Variants in NELL1 observed in about 807,000 individuals in gnomAD.
NELL1 encodes neural EGFL like 1, also known as protein kinase C-binding protein NELL1.
NELL1 carries 76 observed loss-of-function variants against 107.4 expected under a neutral mutation model. That is an observed-to-expected ratio of 0.71 (90% CI 0.59 to 0.86). The LOEUF (loss-of-function observed/expected upper bound fraction) is 0.86. Among genes scored for constraint, NELL1 ranks in the 40% least tolerant of loss-of-function variants. The pLI, the probability that NELL1 is intolerant of heterozygous loss-of-function variation, is 0.00. For synonymous variants in NELL1, 353 were observed against 341.2 expected, an observed-to-expected ratio of 1.03 and a Z score of -0.38; for missense variants, 1,024 against 1,005.5, an observed-to-expected ratio of 1.02 and a Z score of -0.25.
chr11:20,975,782 ATAT>A (rs1356428881), intron 12 of NELL1, among the ~76,000 whole-genome samples: 3 of 134,424 alleles, frequency 2.2e-5, no homozygotes, highest in East Asian at 2.3e-4. Context: ...TATGATATAC[ATAT>A]TATATATGTA....
intron 10 of NELL1, among the ~76,000 whole-genome samples, chr11:20,938,305 C>A (rs929382682): frequency 1.7e-4 from 26 of 152,162 alleles, no homozygotes; most frequent in Non-Finnish European, 7.3e-5. Flanking sequence ...TGTATAAGAT[C>A]ATAGATCTCA....
intron 14 of NELL1, among the ~76,000 whole-genome samples, chr11:21,256,492 A>G (rs753297310): frequency 3.3e-5 from 5 of 152,040 alleles, no homozygotes; most frequent in Non-Finnish European, 7.4e-5. Context: ...GCCTCACGTC[A>G]TAAGTAGCTT....
chr11:21,079,465 C>A (rs1309339074), intron 12 of NELL1, among the ~76,000 whole-genome samples: 2 of 151,918 alleles, frequency 1.3e-5, no homozygotes, highest in African/African-American at 2.4e-5. Context: ...TGGAATATTA[C>A]CAACAATGAT....
At chr11:21,019,647 A>G (rs913717280) in intron 12 of NELL1, among the ~76,000 whole-genome samples, 1 of 152,074 alleles carries the variant, frequency 6.6e-6, no homozygotes. Flanking sequence ...GCTGCTGAAC[A>G]TTCTACAAGC....
At chr11:20,756,439 C>G (rs541997676) in intron 2 of NELL1, among the ~76,000 whole-genome samples, 15 of 150,654 alleles carry the variant, frequency 1.0e-4, no homozygotes, top group Non-Finnish European at 1.9e-4. Context: ...CCTGGGTTCA[C>G]GCCATTCTCC....
chr11:20,758,238 A>G (rs1163971869), intron 2 of NELL1, among the ~76,000 whole-genome samples: 1 of 151,716 alleles, frequency 6.6e-6, no homozygotes, highest in Non-Finnish European at 1.5e-5. Flanking sequence ...ACTGTCACTA[A>G]TCTCCCTCTT....
chr11:20,705,596 T>C lies in NELL1; in HGVS notation c.184+27536T>C, dbSNP rs1363211360. Among the ~76,000 whole-genome samples the C allele has an allele frequency of 4.2e-5, 6 of 142,232 alleles. No individual in the cohort carries two copies. In the East Asian group the frequency reaches 1.2e-3, roughly 27 times the overall value. The allele number at this position is 142,232 out of a possible 152,430, so 93.3% of individuals were successfully genotyped here. On this transcript the variant is annotated intron_variant, in intron 2 of 19. Coordinates refer to ENST00000357134, the MANE Select transcript of NELL1 (RefSeq NM_006157.5). ...AACCTAGGCAATACCATTCAGGACA[T>C]AGGCGTGGGCAAGGACTTCCTGTCT... is the stretch of plus-strand genomic sequence containing the variant.
chr11:20,842,585 G>C (rs890206313), intron 3 of NELL1, among the ~76,000 whole-genome samples: 3 of 152,138 alleles, frequency 2.0e-5, no homozygotes, highest in African/African-American at 4.8e-5. Flanking sequence ...TCATGCCACT[G>C]TACCTAGTGA....
intron 12 of NELL1, among the ~76,000 whole-genome samples, chr11:21,086,974 G>T (rs1190054069): frequency 1.3e-5 from 2 of 151,962 alleles, no homozygotes; most frequent in Non-Finnish European, 2.9e-5. Context: ...GAGTAGCTGG[G>T]ACTACAGGCG....
chr11:20,730,056 A>G (rs1234919418), intron 2 of NELL1, among the ~76,000 whole-genome samples: 1 of 152,172 alleles, frequency 6.6e-6, no homozygotes. Context: ...AGGACCTTAG[A>G]CACAGCTTCC....
intron 12 of NELL1, among the ~76,000 whole-genome samples, chr11:21,097,093 G>T (rs1854661321): frequency 6.6e-6 from 1 of 152,052 alleles, no homozygotes; most frequent in Admixed American, 6.6e-5. Flanking sequence ...CCTCCAGGTA[G>T]AATCTTTCAG....
intron 14 of NELL1, among the ~76,000 whole-genome samples, chr11:21,333,196 A>T: frequency 6.6e-6 from 1 of 152,082 alleles, no homozygotes; most frequent in Non-Finnish European, 1.5e-5. Context: ...AAGGACTAGG[A>T]TGTAAAGACT....
intron 12 of NELL1, among the ~76,000 whole-genome samples, chr11:20,981,042 G>A (rs922357927): frequency 2.0e-5 from 3 of 152,190 alleles, no homozygotes; most frequent in Admixed American, 2.0e-4. Flanking sequence ...ACATGTAATA[G>A]TCATATAACA....
intron 2 of NELL1, among the ~76,000 whole-genome samples, chr11:20,754,044 C>G (rs961011925): frequency 2.0e-5 from 3 of 152,098 alleles, no homozygotes; most frequent in African/African-American, 7.2e-5. Flanking sequence ...AGACCTGAAC[C>G]CCATGCCTAC....
intron 15 of NELL1, among the ~76,000 whole-genome samples, chr11:21,395,316 T>A (rs941942854): frequency 6.6e-5 from 10 of 151,520 alleles, no homozygotes; most frequent in African/African-American, 2.4e-4. Flanking sequence ...TTAAGAAGAA[T>A]TCTGTGTTTG....
At chr11:20,886,371 A>G (rs1849508347) in intron 5 of NELL1, among the ~76,000 whole-genome samples, 1 of 152,188 alleles carries the variant, frequency 6.6e-6, no homozygotes, top group South Asian at 2.1e-4. Flanking sequence ...TCTTTGAAAG[A>G]ATGACACACT....
intron 3 of NELL1, among the ~76,000 whole-genome samples, chr11:20,788,101 A>G (rs960930107): frequency 2.6e-5 from 4 of 152,182 alleles, no homozygotes; most frequent in Non-Finnish European, 5.9e-5. Flanking sequence ...ATAGATATCC[A>G]TTTATCAGTT....
chr11:21,100,235 G>A (rs574651331), intron 12 of NELL1, among the ~76,000 whole-genome samples: 4 of 152,180 alleles, frequency 2.6e-5, no homozygotes, highest in South Asian at 4.2e-4. Flanking sequence ...CCAGGCTGGT[G>A]TCTAAATCCT....
chr11:21,242,192 G>C (rs1474869910), intron 14 of NELL1, among the ~76,000 whole-genome samples: 2 of 152,030 alleles, frequency 1.3e-5, no homozygotes, highest in African/African-American at 2.4e-5. Context: ...ACTTCAGTGG[G>C]TCCAACACAA....
Sources: gnomAD v4.1 joint callset for allele counts (sites outside exome capture counted in the v4.1 genomes callset) on GRCh38, gnomAD v4.1.1 for gene constraint, MANE v1.5 for transcripts, NCBI Gene and HGNC (gene_info 2026-07-23, HGNC 2026-07-21) for gene names.